Variants in ZMIZ1 observed in about 807,000 individuals in gnomAD.
ZMIZ1 encodes zinc finger MIZ-type containing 1, also known as zinc finger MIZ domain-containing protein 1.
ZMIZ1 carries 17 observed loss-of-function variants against 113.9 expected under a neutral mutation model. The observed-to-expected ratio is 0.15, with a 90% confidence interval of 0.10 to 0.22. ZMIZ1 has a LOEUF of 0.22. ZMIZ1 is among the 10% of genes least tolerant of loss of function. The probability of loss-of-function intolerance (pLI) is 1.00; values close to 1 mark genes in which losing one functional copy is unlikely to be tolerated. For synonymous variants in ZMIZ1, 607 were observed against 603.1 expected, an observed-to-expected ratio of 1.01 and a Z score of -0.09; for missense variants, 1,059 against 1,477.8, an observed-to-expected ratio of 0.72 and a Z score of 4.65.
chr10:79,229,323 T>A (rs1365172928), intron 7 of ZMIZ1, among the ~76,000 whole-genome samples: 1 of 152,256 alleles, frequency 6.6e-6, no homozygotes, highest in Admixed American at 6.5e-5. Flanking sequence ...TGTGCTGTTC[T>A]GAGCCCAGAG....
At chr10:79,125,550 T>A (rs932296298) in intron 2 of ZMIZ1, among the ~76,000 whole-genome samples, 1 of 152,238 alleles carries the variant, frequency 6.6e-6, no homozygotes, top group African/African-American at 2.4e-5. Context: ...CCACTGGCTC[T>A]TTTTGAGCTC....
chr10:79,188,315 C>T (rs1175201527), intron 4 of ZMIZ1, among the ~76,000 whole-genome samples: 1 of 152,160 alleles, frequency 6.6e-6, no homozygotes, highest in African/African-American at 2.4e-5. Context: ...AGGGTCATCT[C>T]CGCCTCAGGC....
At chr10:79,152,256 T>A (rs1845743091) in intron 3 of ZMIZ1, among the ~76,000 whole-genome samples, 2 of 152,238 alleles carry the variant, frequency 1.3e-5, no homozygotes, top group South Asian at 4.1e-4. Context: ...CCCAGCACTT[T>A]GGGAGGCTGA....
chr10:79,075,201 G>A (rs7082178), intron 1 of ZMIZ1, among the ~76,000 whole-genome samples: 28,242 of 152,034 alleles, frequency 0.19, 4,229 homozygotes, highest in African/African-American at 0.4. Context: ...GTGTTTTTCT[G>A]TAGAAACTGA....
intron 8 of ZMIZ1, among the ~76,000 whole-genome samples, chr10:79,277,587 G>A (rs923789523): frequency 3.9e-5 from 6 of 152,198 alleles, no homozygotes; most frequent in African/African-American, 1.4e-4. Flanking sequence ...GAAATTCTGA[G>A]CTCAGCACCT....
At chr10:79,091,433 C>G (rs953631286) in intron 1 of ZMIZ1, among the ~76,000 whole-genome samples, 2 of 152,150 alleles carry the variant, frequency 1.3e-5, no homozygotes, top group Non-Finnish European at 2.9e-5. Context: ...GTCCTCAGAC[C>G]CTGACCTCAA....
At chr10:79,244,571 C>T (rs1850079598) in intron 7 of ZMIZ1, among the ~76,000 whole-genome samples, 1 of 152,202 alleles carries the variant, frequency 6.6e-6, no homozygotes, top group African/African-American at 2.4e-5. Context: ...GTCATTCCTG[C>T]AGTGGGGACC....
chr10:79,133,116 T>C (rs1015386450), intron 2 of ZMIZ1, among the ~76,000 whole-genome samples: 8 of 152,196 alleles, frequency 5.3e-5, no homozygotes, highest in African/African-American at 1.9e-4. Context: ...AAGACCCTGC[T>C]TGCTTCTCCA....
At chr10:79,143,062 C>G (rs1008237935) in intron 3 of ZMIZ1, among the ~76,000 whole-genome samples, 2 of 152,190 alleles carry the variant, frequency 1.3e-5, no homozygotes, top group Non-Finnish European at 2.9e-5. Context: ...TTCTCCATCT[C>G]TGTCTCTCTC....
At chr10:79,293,240 T>G (rs1470989600) in intron 11 of ZMIZ1, 141 bp from the exon 12 acceptor site, 1 of 1,114,642 alleles carries the variant, frequency 9.0e-7, no homozygotes, top group Non-Finnish European at 1.2e-6. Context: ...GCCTGGTTGG[T>G]CACCAGTCAC....
intron 8 of ZMIZ1, among the ~76,000 whole-genome samples, chr10:79,288,706 G>A (rs1035194594): frequency 3.9e-5 from 6 of 152,138 alleles, no homozygotes; most frequent in Non-Finnish European, 8.8e-5. Context: ...CCAGCCTCCT[G>A]GGGGCTGGCA....
At chr10:79,242,306 GC>G (rs1849876758) in intron 7 of ZMIZ1, among the ~76,000 whole-genome samples, 1 of 152,022 alleles carries the variant, frequency 6.6e-6, no homozygotes, top group African/African-American at 2.4e-5. Flanking sequence ...GCGCGCAGCC[GC>G]CCCCGGCTTC....
chr10:79,235,806 C>T (rs1849566046), intron 7 of ZMIZ1, among the ~76,000 whole-genome samples: 1 of 152,214 alleles, frequency 6.6e-6, no homozygotes, highest in African/African-American at 2.4e-5. Flanking sequence ...AGCGTATCTG[C>T]CTAGCACTTT....
intron 1 of ZMIZ1, among the ~76,000 whole-genome samples, chr10:79,103,126 CTG>C (rs1041800477): frequency 2.6e-5 from 4 of 152,026 alleles, no homozygotes; most frequent in Non-Finnish European, 4.4e-5. Flanking sequence ...CCTTGAGAAA[CTG>C]TAAAACAGCC....
At chr10:79,152,111 C>T (rs1845737936) in intron 3 of ZMIZ1, among the ~76,000 whole-genome samples, 2 of 152,214 alleles carry the variant, frequency 1.3e-5, no homozygotes, top group South Asian at 2.1e-4. Context: ...GGTCCCCTTC[C>T]TCTTCTCTGA....
At chr10:79,179,082 G>T (rs2132560658) in intron 4 of ZMIZ1, among the ~76,000 whole-genome samples, 1 of 152,362 alleles carries the variant, frequency 6.6e-6, no homozygotes, top group East Asian at 1.9e-4. Context: ...TGCTATCTCT[G>T]TGCTGCAGGC....
Position 79,093,289 on chromosome 10 carries a change from TTTTATTTATTTATTTATTTATTTA to T in ZMIZ1, c.-337+24051_-337+24074del, listed in dbSNP as rs367815803. Among the ~76,000 whole-genome samples, 378 of 140,266 alleles carry T rather than the reference TTTTATTTATTTATTTATTTATTTA, an allele frequency of 2.7e-3. 3 individuals carry two copies. The highest frequency in any genetic ancestry group is 9.1e-3 in the South Asian group (38 of 4,180). The allele number at this position is 140,266 out of a possible 152,430, so 92.0% of individuals were successfully genotyped here. A position where few individuals can be genotyped will look rare whatever the true frequency, so the allele number is the denominator to read the frequency against. The stretch of plus-strand genomic sequence containing the variant: ...GAAGGACTGCTGTACCCCAGTTTTA[TTTTATTTATTTATTTATTTATTTA>T]TTTATTTATTTATTTATTTATTTAT... On this transcript the variant is annotated intron_variant, in intron 1 of 24. Transcript: ENST00000334512.
chr10:79,096,756 G>C (rs1430756718), intron 1 of ZMIZ1, among the ~76,000 whole-genome samples: 1 of 152,182 alleles, frequency 6.6e-6, no homozygotes, highest in Non-Finnish European at 1.5e-5. Context: ...ACAATGGCCA[G>C]AACAGATAAG....
At chr10:79,268,472 C>T (rs1469963561) in intron 7 of ZMIZ1, among the ~76,000 whole-genome samples, 8 of 152,200 alleles carry the variant, frequency 5.3e-5, no homozygotes, top group South Asian at 4.1e-4. Context: ...TCCAGTTGTC[C>T]GGGTCTCAGT....
Sources: allele counts gnomAD v4.1 joint callset (sites outside exome capture counted in the v4.1 genomes callset), GRCh38; gene constraint gnomAD v4.1.1; transcripts MANE v1.5; gene names NCBI Gene and HGNC (gene_info 2026-07-23, HGNC 2026-07-21).